GEMIN5: variants seen among roughly 807,000 people sequenced by gnomAD.
The protein encoded by GEMIN5 is gem nuclear organelle associated protein 5.
A neutral mutation model predicts 176.9 loss-of-function variants in GEMIN5; 124 were observed. The ratio of observed to expected loss-of-function variants is 0.70; its 90% CI spans 0.61 to 0.81. The LOEUF is 0.81. GEMIN5 is among the 40% of genes least tolerant of loss of function. The pLI, the probability that GEMIN5 is intolerant of heterozygous loss-of-function variation, is 0.00. For synonymous variants in GEMIN5, 673 were observed against 665.2 expected, an observed-to-expected ratio of 1.01 and a Z score of -0.18; for missense variants, 1,843 against 1,814.6, an observed-to-expected ratio of 1.02 and a Z score of -0.28.
At chr5:154,909,485 A>G (rs1363401528) in intron 15 of GEMIN5, among the ~76,000 whole-genome samples, 1 of 152,054 alleles carries the variant, frequency 6.6e-6, no homozygotes, top group Non-Finnish European at 1.5e-5. Context: ...GCTTACTTTA[A>G]AATCATCTTT....
intron 8 of GEMIN5, 41 bp from the exon 9 acceptor site, chr5:154,924,595 G>T (rs1763990283): frequency 1.6e-6 from 2 of 1,226,812 alleles, no homozygotes; most frequent in South Asian, 1.2e-5. Flanking sequence ...ATAAGAAGTG[G>T]GGCATATAGT....
intron 3 of GEMIN5, among the ~76,000 whole-genome samples, chr5:154,933,684 A>AT (rs750378123): frequency 0.018 from 2,668 of 150,344 alleles, 21 homozygotes; most frequent in Non-Finnish European, 0.024. Context: ...AGCTTTATTT[A>AT]TTTTTTTTTT....
intron 27 of GEMIN5, among the ~76,000 whole-genome samples, chr5:154,889,032 A>G (rs530144069): frequency 4.2e-4 from 64 of 151,822 alleles, no homozygotes; most frequent in African/African-American, 1.5e-3. Flanking sequence ...ACCTGCCCCC[A>G]CGCCCGGCTA....
chr5:154,901,565 A>G (rs1763466267), intron 20 of GEMIN5, 79 bp from the exon 21 acceptor site: 2 of 1,408,742 alleles, frequency 1.4e-6, no homozygotes, highest in Non-Finnish European at 2.0e-6. Context: ...TGGGTTGAAA[A>G]AGCCTTGTTT....
intron 8 of GEMIN5, 89 bp from the exon 9 acceptor site, chr5:154,924,643 G>T: frequency 1.3e-6 from 1 of 789,876 alleles, no homozygotes; most frequent in Admixed American, 2.2e-5. Context: ...GCATCCAAAG[G>T]GAAAACTGTC....
rs1202579567 is a variant in GEMIN5 at position 154,934,462 on chromosome 5, C to A, written c.509+1379G>T. ...AAAGTGCTGGGATTACAGGCGTGCA[C>A]CACTGCACCTGGCCTGATTTTTTAT... On this transcript the variant is annotated intron_variant, in intron 3 of 27. Coordinates refer to ENST00000285873, the MANE Select transcript of GEMIN5 (RefSeq NM_015465.5). 3.3e-5 allele frequency among the ~76,000 whole-genome samples: 5 copies of A among 152,174 alleles called. No individual in the cohort carries two copies. The South Asian group carries it at 1.0e-3, about 32-fold the overall frequency.
chr5:154,891,808 C>A (rs1763235242), intron 25 of GEMIN5, 66 bp from the exon 26 acceptor site: 2 of 1,434,570 alleles, frequency 1.4e-6, no homozygotes, highest in Non-Finnish European at 9.4e-7. Context: ...TGGCTTCCTG[C>A]CCTTATGTTC....
At position 154,928,606 on chromosome 5, in the gene GEMIN5, G is replaced by A; in HGVS notation, c.835C>T (p.Pro279Ser). ...AACCAAAGGCGCTCTTTAACAGTTG[G>A]GTCTATACCCCCTCCTCTTCTCTTC... ...FLKRRGGGID[P>S]TVKERLWLTL... is the part of the protein sequence containing the mutation. The change falls in exon 6 of 28, where the codon CCA becomes TCA. Residue 279 changes from proline (P) to serine (S), a missense_variant. Coordinates refer to ENST00000285873, the MANE Select transcript of GEMIN5 (RefSeq NM_015465.5). 1 of 1,613,368 alleles carries A rather than the reference G, an allele frequency of 6.2e-7. No individual in the cohort carries two copies. The highest frequency in any genetic ancestry group is 8.5e-7 in the Non-Finnish European group (1 of 1,179,342).
At chr5:154,933,422 C>T (rs558406993) in intron 3 of GEMIN5, among the ~76,000 whole-genome samples, 1 of 152,286 alleles carries the variant, frequency 6.6e-6, no homozygotes, top group Non-Finnish European at 1.5e-5. Flanking sequence ...ATTAGTACTG[C>T]ACTGTGTGAA....
chr5:154,916,500 C>CTTTTTCTTTTTTTCTTTTTTTTTTTTTTT (rs1763813391), intron 13 of GEMIN5, among the ~76,000 whole-genome samples: 1 of 150,612 alleles, frequency 6.6e-6, no homozygotes, highest in Non-Finnish European at 1.5e-5. Flanking sequence ...TTTTTTCTTT[C>CTTTTTCTTTTTTTCTTTTTTTTTTTTTTT]TTTTTTGAGA....
chr5:154,890,437 T>C (rs1763200573), intron 26 of GEMIN5, among the ~76,000 whole-genome samples: 1 of 152,036 alleles, frequency 6.6e-6, no homozygotes, highest in Admixed American at 6.5e-5. Flanking sequence ...ATAAATAAAA[T>C]TCCTTTGTCA....
chr5:154,937,911 C>T, intron 1 of GEMIN5, 57 bp downstream of exon 1: 2 of 1,409,284 alleles, frequency 1.4e-6, no homozygotes, highest in Non-Finnish European at 1.9e-6. Context: ...GTCCACTCGG[C>T]GCCCCTGGGG....
intron 12 of GEMIN5, among the ~76,000 whole-genome samples, chr5:154,917,584 A>G (rs987912361): frequency 6.6e-6 from 1 of 152,194 alleles, no homozygotes; most frequent in African/African-American, 2.4e-5. Context: ...CTGTGTTACT[A>G]TGATTAACAC....
Position 154,925,906 on chromosome 5 carries a change from C to T in GEMIN5, c.1249G>A (p.Asp417Asn). 1 of 1,613,928 alleles carries T rather than the reference C, an allele frequency of 6.2e-7. No individual in the cohort carries two copies. Among genetic ancestry groups the T allele is most frequent in the Non-Finnish European group, 8.5e-7 (1 of 1,179,830 alleles). Residue 417 changes from aspartate to asparagine, a missense_variant, in exon 8 of 28, where the codon GAT (aspartate) becomes AAT (asparagine). Coordinates refer to ENST00000285873, the MANE Select transcript of GEMIN5 (RefSeq NM_015465.5). ...ACGCCTTGCCAAAAATTTTTCACAT[C>T]ATAGTTGTTCTTTATGGAGAGTGTA... ...WNTLSIKNNY[D>N]VKNFWQGVKS...
chr5:154,902,991 T>C (rs10515726), intron 19 of GEMIN5, 89 bp downstream of exon 19: 415,176 of 867,508 alleles, frequency 0.48, 108,804 homozygotes, highest in Non-Finnish European at 0.56. Context: ...CATTATAATA[T>C]CACAGGATGA....
rs914510367 is a variant in GEMIN5, at chr5:154,920,110, G to C, written c.1463-7C>G. ...GGTCTGTCTCCTTCTCCTCCTGTAT[G>C]AAATAAGAAAAGAAACTTATCAGTT... is the stretch of plus-strand genomic sequence containing the variant. On this transcript the variant is annotated splice_region_variant and splice_polypyrimidine_tract_variant and intron_variant, in intron 10 of 27. Coordinates refer to ENST00000285873, the MANE Select transcript of GEMIN5 (RefSeq NM_015465.5). 3.1e-6 allele frequency: 5 copies of C among 1,603,824 alleles called. No individual in the cohort carries two copies. The African/African-American group carries it at 6.7e-5, about 22-fold the overall frequency.
In GEMIN5 at chr5:154,925,950, C is replaced by T; in HGVS notation, c.1205G>A (p.Gly402Asp). Residue 402 changes from glycine (G) to aspartate (D), a missense_variant, in exon 8 of 28, where the codon GGC becomes GAC. Gly to Asp is a moderately conservative substitution (Grantham distance 94). Transcript: ENST00000285873. ...IGSLAIGVGD[G>D]MIRVWNTLSI... ...GAGTGTATTCCATACACGGATCATG[C>T]CATCCCCAACACCTATGGCCAAAGA... 4 of 1,613,012 alleles carry T rather than the reference C, an allele frequency of 2.5e-6. No individual in the cohort carries two copies. The highest frequency in any genetic ancestry group is 1.6e-4 in the Middle Eastern group (1 of 6,062).
At chr5:154,908,465 G>A (rs1582660748) in intron 15 of GEMIN5, among the ~76,000 whole-genome samples, 1 of 152,122 alleles carries the variant, frequency 6.6e-6, no homozygotes, top group Non-Finnish European at 1.5e-5. Context: ...ACAGGCATGA[G>A]CCACCACGCC....
chr5:154,896,701 T>C (rs1763359327), intron 23 of GEMIN5, among the ~76,000 whole-genome samples: 1 of 152,188 alleles, frequency 6.6e-6, no homozygotes, highest in Non-Finnish European at 1.5e-5. Context: ...AGGTTCTTTC[T>C]CCCTGACCAA....
Sources: allele counts gnomAD v4.1 joint callset (sites outside exome capture counted in the v4.1 genomes callset), GRCh38; gene constraint gnomAD v4.1.1; transcripts MANE v1.5; gene names NCBI Gene and HGNC (gene_info 2026-07-23, HGNC 2026-07-21).